Variants in CD1B observed in about 807,000 individuals in gnomAD.
CD1B encodes CD1b molecule.
A neutral mutation model predicts 39.8 loss-of-function variants in CD1B; 43 were observed. The observed-to-expected ratio is 1.08, with a 90% confidence interval of 0.85 to 1.39. The LOEUF is 1.39. CD1B is among the 40% of genes most tolerant of loss of function. CD1B has a pLI of 0.00. For synonymous variants in CD1B, 192 were observed against 152.5 expected, an observed-to-expected ratio of 1.26 and a Z score of -1.91; for missense variants, 495 against 403.8, an observed-to-expected ratio of 1.23 and a Z score of -1.94.
chr1:158,318,716 G>T, the CD1B span, among the ~76,000 whole-genome samples: 1,874 of 152,078 alleles, frequency 0.012, 38 homozygotes, highest in African/African-American at 0.04. Flanking sequence ...ATGATGTTAG[G>T]TGGTTATTTT....
At chr1:158,331,275 G>A (rs1346131279) in intron 1 of CD1B, 88 bp downstream of exon 1, 21 of 1,268,460 alleles carry the variant, frequency 1.7e-5, no homozygotes, top group Non-Finnish European at 2.4e-5. Flanking sequence ...CAGACCCTTA[G>A]TGTCCAATTG....
chr1:158,321,297 T>C, the CD1B span, among the ~76,000 whole-genome samples: 3 of 152,348 alleles, frequency 2.0e-5, no homozygotes, highest in East Asian at 3.9e-4. Context: ...TGGCTTAAAG[T>C]CTATTATGTC....
the CD1B span, among the ~76,000 whole-genome samples, chr1:158,316,264 T>C: frequency 6.6e-6 from 1 of 151,980 alleles, no homozygotes; most frequent in Admixed American, 6.6e-5. Context: ...GCCATTTTCA[T>C]GATATTGATT....
chr1:158,316,128 C>G, the CD1B span, among the ~76,000 whole-genome samples: 1 of 151,920 alleles, frequency 6.6e-6, no homozygotes, highest in Non-Finnish European at 1.5e-5. Context: ...TTACGATTGA[C>G]TTGGCAATGC....
the CD1B span, among the ~76,000 whole-genome samples, chr1:158,311,893 C>T: frequency 6.6e-6 from 1 of 152,110 alleles, no homozygotes; most frequent in Non-Finnish European, 1.5e-5. Context: ...GTTTTGGTTA[C>T]TATAGTTTTG....
the CD1B span, among the ~76,000 whole-genome samples, chr1:158,306,892 G>A: frequency 6.6e-6 from 1 of 152,038 alleles, no homozygotes; most frequent in Non-Finnish European, 1.5e-5. Flanking sequence ...CGAGAACAAA[G>A]ACACAACATA....
the CD1B span, among the ~76,000 whole-genome samples, chr1:158,316,039 C>T: frequency 6.6e-6 from 1 of 151,920 alleles, no homozygotes; most frequent in Non-Finnish European, 1.5e-5. Context: ...GTTCCAGTAC[C>T]ATGCTGTTTT....
At chr1:158,301,221 T>A in the CD1B span, among the ~76,000 whole-genome samples, 1 of 152,148 alleles carries the variant, frequency 6.6e-6, no homozygotes, top group Admixed American at 6.5e-5. Context: ...TACAGCACAC[T>A]GATGGGTCTT....
Position 158,329,986 on chromosome 1 carries a change from C to T in CD1B, c.473G>A (p.Arg158Lys). 1.2e-6 allele frequency: 2 copies of T among 1,614,068 alleles called. No individual in the cohort carries two copies. The highest frequency in any genetic ancestry group is 8.5e-7 in the Non-Finnish European group (1 of 1,180,010). The change falls in exon 3 of 6, where the codon AGG (arginine) becomes AAG (lysine). Residue 158 changes from arginine to lysine, a missense_variant. Arg to Lys is a conservative substitution (Grantham distance 26). Transcript: ENST00000368168. ...GATTAGTGCACAGAATTTCTGTGCC[C>T]TGCTGCCACCTTCTGGGGAAGGCAC... The part of the protein sequence containing the change: ...SCVPSPEGGS[R>K]AQKFCALIIQ...
At chr1:158,328,291 T>C in intron 5 of CD1B, 34 bp from the exon 6 acceptor site, 2 of 1,584,580 alleles carry the variant, frequency 1.3e-6, no homozygotes, top group Non-Finnish European at 1.7e-6. Context: ...GAGCTCCACA[T>C]AAAAGATGTT....
the CD1B span, among the ~76,000 whole-genome samples, chr1:158,305,093 C>T: frequency 6.6e-6 from 1 of 151,170 alleles, no homozygotes; most frequent in African/African-American, 2.4e-5. Flanking sequence ...TGGAGAATGA[C>T]CTTGACGAGT....
At chr1:158,300,564 A>G in the CD1B span, among the ~76,000 whole-genome samples, 5 of 152,038 alleles carry the variant, frequency 3.3e-5, no homozygotes, top group African/African-American at 1.2e-4. Context: ...TGATCTGCCT[A>G]ATATTGACAA....
At chr1:158,325,090 T>G (rs1191213374), downstream of CD1B, among the ~76,000 whole-genome samples, 5 of 151,374 alleles carry the variant, frequency 3.3e-5, no homozygotes, top group East Asian at 1.9e-4. Flanking sequence ...TTACCTTGAT[T>G]CCATCAAGGT....
At chr1:158,292,657 T>C in the CD1B span, 1 of 1,613,600 alleles carries the variant, frequency 6.2e-7, no homozygotes, top group African/African-American at 1.3e-5. Context: ...TGTTGCTGGT[T>C]TGTCATGCCT....
At chr1:158,295,265 A>T in the CD1B span, among the ~76,000 whole-genome samples, 15 of 152,002 alleles carry the variant, frequency 9.9e-5, no homozygotes, top group African/African-American at 3.4e-4. Context: ...TGGAGGGAGA[A>T]TGCAGACCCT....
At chr1:158,314,097 A>T in the CD1B span, among the ~76,000 whole-genome samples, 5 of 149,688 alleles carry the variant, frequency 3.3e-5, no homozygotes, top group African/African-American at 9.8e-5. Context: ...TTTGTTTTTG[A>T]TTTTTGAGAC....
Position 158,331,367 on chromosome 1 carries a change from T to C in CD1B, c.57A>G (p.Glu19=), listed in dbSNP as rs758858577. Residue 19 remains glutamate, a synonymous_variant, in exon 1 of 6, where the codon GAA becomes GAG. Transcript: ENST00000368168. ...AGCTGCCAGAGTGACTCTTACCATG[T>C]TCACTGTTACCACCAGGAAAGAGAA... ...LAVLFPGGNS[E]HAFQGPTSFH... 18 of 1,613,514 alleles carry C rather than the reference T, an allele frequency of 1.1e-5. No individual in the cohort carries two copies. The Admixed American group carries it at 1.8e-4, about 16-fold the overall frequency.
chr1:158,315,603 A>T, the CD1B span, among the ~76,000 whole-genome samples: 1 of 151,304 alleles, frequency 6.6e-6, no homozygotes, highest in East Asian at 1.9e-4. Flanking sequence ...CCCATTTTGT[A>T]GGTTGCCTGT....
At chr1:158,304,411 C>T in the CD1B span, among the ~76,000 whole-genome samples, 3 of 152,270 alleles carry the variant, frequency 2.0e-5, no homozygotes, top group South Asian at 6.2e-4. Flanking sequence ...CCACCATTGC[C>T]TAGGCTTGAG....
Sources: allele counts gnomAD v4.1 joint callset (sites outside exome capture counted in the v4.1 genomes callset), GRCh38; gene constraint gnomAD v4.1.1; transcripts MANE v1.5; gene names NCBI Gene and HGNC (gene_info 2026-07-23, HGNC 2026-07-21).